The following ZFC3H1 variants were observed in gnomAD, a reference collection of about 807,000 sequenced individuals.
ZFC3H1 encodes the protein zinc finger C3H1-type containing, also known as zinc finger C3H1 domain-containing protein.
A neutral mutation model predicts 243.7 loss-of-function variants in ZFC3H1; 71 were observed. The observed-to-expected ratio is 0.29, with a 90% confidence interval of 0.24 to 0.36. ZFC3H1 has a LOEUF of 0.36. Ranked by LOEUF, ZFC3H1 falls within the 10% of genes least tolerant of loss-of-function variation. ZFC3H1 has a pLI of 1.00. For synonymous variants in ZFC3H1, 838 were observed against 813.0 expected (o/e 1.03, Z -0.52); for missense variants, 1,966 against 2,317.1 (o/e 0.85, Z 3.11).
Position 71,663,187 on chromosome 12 carries a change from C to A in ZFC3H1, c.424G>T (p.Asp142Tyr). The change falls in exon 1 of 35, where the codon GAC (aspartate) becomes TAC (tyrosine). Residue 142 changes from aspartate to tyrosine, a missense_variant. Asp to Tyr is a radical substitution (Grantham distance 160, BLOSUM62 -3). Coordinates refer to ENST00000378743, the MANE Select transcript of ZFC3H1 (RefSeq NM_144982.5). ...SFWERSHLAL[D>Y]RFRFRGRPYR... ...GGCCTGCCTCGAAAGCGGAAACGGT[C>A]CAAGGCGAGGTGGCTCCGCTCCCAG... 2 of 1,614,116 alleles carry A rather than the reference C, an allele frequency of 1.2e-6. No individual in the cohort carries two copies. The highest frequency in any genetic ancestry group is 1.7e-6 in the Non-Finnish European group (2 of 1,180,038).
At chr12:71,625,003 C>A (rs1001002732) in intron 22 of ZFC3H1, among the ~76,000 whole-genome samples, 4 of 152,024 alleles carry the variant, frequency 2.6e-5, no homozygotes, top group Non-Finnish European at 5.9e-5. Flanking sequence ...AAATGCATGA[C>A]AAAACACATT....
In ZFC3H1 at chr12:71,610,507, G is replaced by A. The variant is rs761622277; in HGVS notation, c.5891C>T (p.Ser1964Phe). 1 of 1,613,576 alleles carries A rather than the reference G, an allele frequency of 6.2e-7. No individual in the cohort carries two copies. The highest frequency in any genetic ancestry group is 8.5e-7 in the Non-Finnish European group (1 of 1,179,654). The change falls in exon 35 of 35, where the codon TCC becomes TTC. Residue 1964 changes from serine (S) to phenylalanine (F), a missense_variant. Ser to Phe is a radical substitution (Grantham distance 155). Around this residue, in one of 4 missense-constraint regions of ZFC3H1, gnomAD observed 1,383 missense variants for 1,723.7 expected, o/e 0.80. Transcript: ENST00000378743. ...GCTGACTCCAATCTCTTGGCACTTG[G>A]AAACTAGTTTTCTCAGGTTATCAGT... is the stretch of plus-strand genomic sequence containing the variant. ...GKTDNLRKLV[S>F]KCQEIGVSLN...
chr12:71,660,983 AT>A (rs897665855), intron 1 of ZFC3H1, among the ~76,000 whole-genome samples: 13 of 151,586 alleles, frequency 8.6e-5, no homozygotes, highest in Non-Finnish European at 1.5e-4. Context: ...TTTAATAAAA[AT>A]TTTTTTTAAT....
rs754067039 is a variant in ZFC3H1 at position 71,619,328 on chromosome 12, A to C, written c.5131T>G (p.Leu1711Val). The change falls in exon 27 of 35, where the codon TTG becomes GTG. Residue 1711 changes from leucine (L) to valine (V), a missense_variant. Leu to Val is a conservative substitution (Grantham distance 32). Coordinates refer to ENST00000378743, the MANE Select transcript of ZFC3H1 (RefSeq NM_144982.5). The stretch of plus-strand genomic sequence containing the variant: ...TCTACAACTTACCGAAACAGATCCA[A>C]GTTATTATACTTCTCAAACCCCGGT... ...FKPGFEKYNNLDLFRYLLNIP... is the reference protein window; with the variant it reads ...FKPGFEKYNNVDLFRYLLNIP... The C allele has an allele frequency of 6.2e-7, 1 of 1,613,660 alleles. No homozygotes were observed. Among genetic ancestry groups the C allele is most frequent in the South Asian group, 1.1e-5 (1 of 91,028 alleles).
At chr12:71,660,271 A>G (rs1267049510) in intron 1 of ZFC3H1, 1 of 152,208 alleles carries the variant, frequency 6.6e-6, no homozygotes, top group African/African-American at 2.4e-5. Context: ...TGTTGTAACA[A>G]ATATTTTGTT....
At position 71,624,284 on chromosome 12, in the gene ZFC3H1, G is replaced by A. The variant is rs767804220; in HGVS notation, c.4326C>T (p.His1442=). ...PDYQSFWTFL[H]LESTFEEKDY... is the part of the protein sequence containing the mutation. ...CCTTTTCTTCAAAGGTACTTTCTAG[G>A]TGTAGAAACTGCCCAAAGGGCCTTT... The change falls in exon 23 of 35, where the codon CAC becomes CAT. Residue 1442 remains histidine (H), a synonymous_variant. Coordinates refer to ENST00000378743, the MANE Select transcript of ZFC3H1 (RefSeq NM_144982.5). 1 of 1,607,636 alleles carries A rather than the reference G, an allele frequency of 6.2e-7. No homozygotes were observed.
In ZFC3H1 at chr12:71,663,614, G is replaced by T; in HGVS notation, c.-4C>A. On this transcript the variant is annotated 5_prime_UTR_variant, in exon 1 of 35. Transcript: ENST00000378743. ...CCGGAGTATCTGCGGTCGCCATCCG[G>T]GGAGCAGCGCCTTCCACACAACCTT... is the stretch of plus-strand genomic sequence containing the variant. The T allele has an allele frequency of 3.7e-6, 6 of 1,606,410 alleles. No homozygotes were observed. Among genetic ancestry groups the T allele is most frequent in the Non-Finnish European group, 5.1e-6 (6 of 1,178,442 alleles).
At chr12:71,653,159 A>T (rs1050312264) in intron 2 of ZFC3H1, among the ~76,000 whole-genome samples, 1 of 152,216 alleles carries the variant, frequency 6.6e-6, no homozygotes, top group Non-Finnish European at 1.5e-5. Context: ...AAAGCTGAAA[A>T]TATAAGCAGG....
At chr12:71,639,625 T>C (rs1880550933) in intron 6 of ZFC3H1, 1 of 153,418 alleles carries the variant, frequency 6.5e-6, no homozygotes, top group Admixed American at 6.5e-5. Flanking sequence ...CAGCCCTGAC[T>C]CACTGCCAGG....
intron 1 of ZFC3H1, among the ~76,000 whole-genome samples, chr12:71,662,483 T>C (rs988635643): frequency 1.4e-5 from 2 of 143,150 alleles, no homozygotes; most frequent in African/African-American, 5.1e-5. Context: ...CCAGAGTTGT[T>C]TTTTTTTTAC....
At position 71,630,883 on chromosome 12, in the gene ZFC3H1, G is replaced by T. The variant is rs752838503; in HGVS notation, c.3542C>A (p.Pro1181Gln). The change falls in exon 17 of 35, where the codon CCG (proline) becomes CAG (glutamine). Residue 1181 changes from proline (P) to glutamine (Q), a missense_variant. Transcript: ENST00000378743. Reference protein sequence around the residue: ...SSVSYSNMIEPDQCFCRFDLT... With the variant: ...SSVSYSNMIEQDQCFCRFDLT... ...ATCAAAACGGCAGAAACACTGATCC[G>T]GTTCAATCATATTACTGTATGATAC... 1.8e-5 allele frequency: 29 copies of T among 1,613,208 alleles called. No homozygotes were observed. Among genetic ancestry groups the T allele is most frequent in the Non-Finnish European group, 2.3e-5 (27 of 1,179,596 alleles).
chr12:71,633,454 CA>C lies in ZFC3H1; in HGVS notation c.2511-17del. 6.5e-7 allele frequency: 1 copy of C among 1,527,328 alleles called. No individual in the cohort carries two copies. Among genetic ancestry groups the C allele is most frequent in the Non-Finnish European group, 8.8e-7 (1 of 1,139,846 alleles). The allele number at this position is 1,527,328 out of a possible 1,614,324, so 94.6% of individuals were successfully genotyped here. A position where few individuals can be genotyped will look rare whatever the true frequency, so the allele number is the denominator to read the frequency against. On this transcript the variant is annotated splice_polypyrimidine_tract_variant and intron_variant, in intron 12 of 34. Coordinates refer to ENST00000378743, the MANE Select transcript of ZFC3H1 (RefSeq NM_144982.5). ...CAAGAGAATCCTAAATGAGAAATAA[CA>C]AAATTCTTGTTAATGTTTCCCTACA...
At chr12:71,629,104 C>T (rs1270470299) in intron 19 of ZFC3H1, 67 bp from the exon 20 acceptor site, 5 of 1,288,792 alleles carry the variant, frequency 3.9e-6, no homozygotes, top group Non-Finnish European at 5.3e-6. Context: ...TTGAAGGATA[C>T]TCAAATAATA....
At chr12:71,627,693 C>A in intron 21 of ZFC3H1, 58 bp downstream of exon 21, 8 of 1,512,012 alleles carry the variant, frequency 5.3e-6, no homozygotes, top group South Asian at 3.9e-5. Flanking sequence ...GTAAAAAAAC[C>A]TCAAACATAA....
chr12:71,612,714 C>CT (rs1216636218), intron 31 of ZFC3H1, among the ~76,000 whole-genome samples: 1 of 152,172 alleles, frequency 6.6e-6, no homozygotes, highest in Non-Finnish European at 1.5e-5. Context: ...GTGGGAATGA[C>CT]TGCAAACGTG....
Position 71,633,445 on chromosome 12 carries a change from G to A in ZFC3H1, c.2511-7C>T. 1.3e-6 allele frequency: 2 copies of A among 1,537,438 alleles called. No individual in the cohort carries two copies. Among genetic ancestry groups the A allele is most frequent in the Non-Finnish European group, 8.7e-7 (1 of 1,145,294 alleles). On this transcript the variant is annotated splice_region_variant and splice_polypyrimidine_tract_variant and intron_variant, in intron 12 of 34. Coordinates refer to ENST00000378743, the MANE Select transcript of ZFC3H1 (RefSeq NM_144982.5). ...ATCTTTCATCAAGAGAATCCTAAAT[G>A]AGAAATAACAAAATTCTTGTTAATG...
intron 1 of ZFC3H1, 114 bp downstream of exon 1, chr12:71,662,899 G>A (rs1881223453): frequency 1.9e-6 from 2 of 1,053,960 alleles, no homozygotes; most frequent in Admixed American, 2.3e-5. Context: ...TACTGACACA[G>A]GGAGAAATAA....
At chr12:71,646,837 A>T (rs894091315) in intron 3 of ZFC3H1, among the ~76,000 whole-genome samples, 2 of 152,256 alleles carry the variant, frequency 1.3e-5, no homozygotes, top group Non-Finnish European at 2.9e-5. Flanking sequence ...TACGTGAGGT[A>T]GCTACTTGAA....
intron 11 of ZFC3H1, 61 bp downstream of exon 11, chr12:71,634,643 A>G (rs1030704119): frequency 2.4e-5 from 37 of 1,517,528 alleles, no homozygotes; most frequent in South Asian, 2.4e-4. Context: ...AAGAAACTCT[A>G]TAAGAGAAGT....
Sources: allele counts gnomAD v4.1 joint callset (sites outside exome capture counted in the v4.1 genomes callset), GRCh38; gene constraint gnomAD v4.1.1; regional missense constraint gnomAD v4.1.1; transcripts MANE v1.5; gene names NCBI Gene and HGNC (gene_info 2026-07-23, HGNC 2026-07-21).